The following SVIL variants were observed in gnomAD, a reference collection of about 807,000 sequenced individuals.
SVIL encodes supervillin, also known as archvillin.
In SVIL, 101 loss-of-function variants were observed where a neutral mutation model predicts 240.4. The observed-to-expected ratio is 0.42, with a 90% CI of 0.36 to 0.50. The LOEUF (loss-of-function observed/expected upper bound fraction) is 0.50, where lower values mean the gene tolerates loss of function less well. Ranked by LOEUF, SVIL falls within the 20% of genes least tolerant of loss-of-function variation. SVIL has a pLI of 0.01. For synonymous variants in SVIL, 999 were observed against 1,100.0 expected (o/e 0.91, Z 1.82); for missense variants, 2,512 against 2,818.7 (o/e 0.89, Z 2.46).
chr10:29,532,659 C>G lies in SVIL; in HGVS notation c.1708G>C (p.Glu570Gln), dbSNP rs773284915. The change falls in exon 8 of 38, where the codon GAG becomes CAG. Residue 570 changes from glutamate (E) to glutamine (Q), a missense_variant. Coordinates refer to ENST00000355867, the MANE Select transcript of SVIL (RefSeq NM_021738.3). ...GTCTTGGAGCTGGGCAGCTCCAGCT[C>G]TCTCCTGGAAGCTGGGTCCTTATAC... is the stretch of plus-strand genomic sequence containing the variant. ...LKYKDPASRR[E>Q]LELPSSKTEG... 3 of 1,614,208 alleles carry G rather than the reference C, an allele frequency of 1.9e-6. No homozygotes were observed. The highest frequency in any genetic ancestry group is 2.5e-6 in the Non-Finnish European group (3 of 1,180,034).
intron 16 of SVIL, among the ~76,000 whole-genome samples, chr10:29,520,382 A>G (rs1305882502): frequency 6.6e-6 from 1 of 152,158 alleles, no homozygotes; most frequent in Non-Finnish European, 1.5e-5. Flanking sequence ...GTGGAAGAGA[A>G]CTTCAAGCCT....
intron 1 of SVIL, among the ~76,000 whole-genome samples, chr10:29,726,446 A>G (rs1381861547): frequency 1.3e-5 from 2 of 152,184 alleles, no homozygotes; most frequent in African/African-American, 4.8e-5. Context: ...GCTTCCACTT[A>G]AAAAGCTGTG....
intron 1 of SVIL, among the ~76,000 whole-genome samples, chr10:29,696,499 G>A (rs927968285): frequency 6.7e-6 from 1 of 150,300 alleles, no homozygotes; most frequent in African/African-American, 2.4e-5. Context: ...TCCCACCTGG[G>A]AAGTGAGGAG....
chr10:29,513,222 A>G lies in SVIL; in HGVS notation c.3390-361T>C, dbSNP rs1279765397. On this transcript the variant is annotated intron_variant, in intron 16 of 37. Transcript: ENST00000355867. ...GCGACGCCTTCTGGTCACTTGTGAA[A>G]TAACATTAAAGGACTAAAGCTGTGT... 4.6e-5 allele frequency among the ~76,000 whole-genome samples: 7 copies of G among 152,334 alleles called. No homozygotes were observed. The East Asian group carries it at 1.4e-3, about 29-fold the overall frequency.
Position 29,735,133 on chromosome 10 carries a change from A to T in SVIL, c.-400+618T>A, listed in dbSNP as rs1318610739. The stretch of plus-strand genomic sequence containing the variant: ...CTGCTGGCTGTCACCCGGGGACTAA[A>T]CCACTCCCTTCGGGGAGCCCGCACG... On this transcript the variant is annotated intron_variant, in intron 1 of 35. Transcript: ENST00000375400. The surrounding 1 kb of genome is among the most constrained non-coding windows in gnomAD (Gnocchi z 4.1). 6.6e-6 allele frequency among the ~76,000 whole-genome samples: 1 copy of T among 151,928 alleles called. No homozygotes were observed. The highest frequency in any genetic ancestry group is 2.4e-5 in the African/African-American group (1 of 41,354).
chr10:29,480,102 C>A (rs929495871), intron 29 of SVIL, among the ~76,000 whole-genome samples: 1 of 152,158 alleles, frequency 6.6e-6, no homozygotes, highest in Non-Finnish European at 1.5e-5. Flanking sequence ...ATCTTCTGTG[C>A]GTGTATTTAC....
In SVIL at chr10:29,486,495, G is replaced by T. The variant is rs757474217; in HGVS notation, c.4548C>A (p.Ile1516=). The T allele has an allele frequency of 6.2e-7, 1 of 1,614,180 alleles. No homozygotes were observed. The highest frequency in any genetic ancestry group is 1.6e-4 in the Middle Eastern group (1 of 6,062). Residue 1516 remains isoleucine, a synonymous_variant, in exon 25 of 38, where the codon ATC becomes ATA. Transcript: ENST00000355867. ...TATTAATTCCTTCTTCAATGGTTTG[G>T]ATATAAGTAGCTCTACAACCAAGTT... ...KRELGCRATY[I]QTIEEGINTH... is the part of the protein sequence containing the mutation.
At chr10:29,603,938 T>C (rs1157107955) in intron 1 of SVIL, among the ~76,000 whole-genome samples, 2 of 152,196 alleles carry the variant, frequency 1.3e-5, no homozygotes, top group African/African-American at 4.8e-5. Context: ...CCAATTTACA[T>C]TTGTAATTTT....
chr10:29,551,954 T>A (rs1037338832), intron 5 of SVIL, among the ~76,000 whole-genome samples: 1 of 151,840 alleles, frequency 6.6e-6, no homozygotes, highest in African/African-American at 2.4e-5. Context: ...CTACAAAAAT[T>A]ATTTTAAAAA....
At chr10:29,551,344 C>T (rs1328570534) in intron 5 of SVIL, 81 bp from the exon 6 acceptor site, 5 of 1,349,818 alleles carry the variant, frequency 3.7e-6, no homozygotes, top group Non-Finnish European at 5.0e-6. Context: ...CTCTACTGCA[C>T]ACAGCACACA....
chr10:29,594,787 G>C (rs935661017), intron 1 of SVIL, among the ~76,000 whole-genome samples: 1 of 152,146 alleles, frequency 6.6e-6, no homozygotes, highest in Non-Finnish European at 1.5e-5. Flanking sequence ...GAACTCCTGG[G>C]CTCAAGCAGT....
At chr10:29,588,036 G>T (rs192311900) in intron 1 of SVIL, among the ~76,000 whole-genome samples, 2,964 of 152,036 alleles carry the variant, frequency 0.019, 76 homozygotes, top group African/African-American at 0.067. Flanking sequence ...GTGATTAATT[G>T]CAGCACATTC....
chr10:29,468,511 T>C (rs1945181697), intron 32 of SVIL, among the ~76,000 whole-genome samples: 1 of 152,114 alleles, frequency 6.6e-6, no homozygotes, highest in Non-Finnish European at 1.5e-5. Context: ...GAGAAATTGC[T>C]AGACTGTTTT....
At chr10:29,642,571 C>A (rs1404411523) in intron 3 of SVIL, among the ~76,000 whole-genome samples, 1 of 152,218 alleles carries the variant, frequency 6.6e-6, no homozygotes, top group African/African-American at 2.4e-5. Flanking sequence ...TTAGCAGAGA[C>A]TCCATGACAT....
chr10:29,469,290 C>T (rs1487460751), intron 32 of SVIL, among the ~76,000 whole-genome samples: 1 of 152,176 alleles, frequency 6.6e-6, no homozygotes, highest in Non-Finnish European at 1.5e-5. Flanking sequence ...TCACATCTGC[C>T]TCCCTGTAGA....
intron 1 of SVIL, among the ~76,000 whole-genome samples, chr10:29,604,806 C>T (rs144759880): frequency 1.3e-5 from 2 of 152,178 alleles, no homozygotes; most frequent in East Asian, 1.9e-4. Context: ...TGAGATTAAA[C>T]GATCCTCCCA....
intron 17 of SVIL, among the ~76,000 whole-genome samples, chr10:29,503,727 T>G (rs1179569655): frequency 6.6e-6 from 1 of 152,236 alleles, no homozygotes; most frequent in Non-Finnish European, 1.5e-5. Flanking sequence ...GGAGATATAT[T>G]CCATGTTCAT....
At chr10:29,692,663 A>T (rs1345764714) in intron 1 of SVIL, among the ~76,000 whole-genome samples, 1 of 149,916 alleles carries the variant, frequency 6.7e-6, no homozygotes, top group East Asian at 1.9e-4. Context: ...ATAAAAATAT[A>T]TTTTTTTAAT....
At chr10:29,551,863 C>T (rs61846601) in intron 5 of SVIL, among the ~76,000 whole-genome samples, 45,383 of 151,940 alleles carry the variant, frequency 0.3, 7,075 homozygotes, top group African/African-American at 0.39. Flanking sequence ...GTAATCCCAG[C>T]GCTTTGGGAA....
Sources: allele counts gnomAD v4.1 joint callset (sites outside exome capture counted in the v4.1 genomes callset), GRCh38; gene constraint gnomAD v4.1.1; non-coding constraint Gnocchi (gnomAD v3.1); transcripts MANE v1.5; gene names NCBI Gene and HGNC (gene_info 2026-07-23, HGNC 2026-07-21).